GLRA1: variants seen among roughly 807,000 people sequenced by gnomAD.
GLRA1 encodes glycine receptor alpha 1.
A neutral mutation model predicts 48.3 loss-of-function variants in GLRA1; 37 were observed. The observed-to-expected ratio is 0.77, with a 90% CI of 0.59 to 1.01. GLRA1 has a LOEUF of 1.01. Ranked by LOEUF, GLRA1 falls within the 50% of genes least tolerant of loss-of-function variation. The pLI, the probability that GLRA1 is intolerant of heterozygous loss-of-function variation, is 0.00. For synonymous variants in GLRA1, 196 were observed against 210.7 expected, an observed-to-expected ratio of 0.93 and a Z score of 0.60; for missense variants, 427 against 571.0, an observed-to-expected ratio of 0.75 and a Z score of 2.57.
At chr5:151,923,712 G>C (rs1754934185) in intron 1 of GLRA1, among the ~76,000 whole-genome samples, 2 of 152,168 alleles carry the variant, frequency 1.3e-5, no homozygotes, top group African/African-American at 4.8e-5. Flanking sequence ...TAACTCAGCT[G>C]TTGAGTCAAA....
intron 1 of GLRA1, among the ~76,000 whole-genome samples, chr5:151,907,558 A>G (rs1169460727): frequency 1.3e-5 from 2 of 152,252 alleles, no homozygotes; most frequent in Middle Eastern, 3.2e-3. Context: ...CAGCTAATAA[A>G]TCATGTCACC....
In GLRA1 at chr5:151,871,316, A is replaced by G. The variant is rs111839120; in HGVS notation, c.253-11308T>C. Among the ~76,000 whole-genome samples, 12 of 149,660 alleles carry G rather than the reference A, an allele frequency of 8.0e-5. 3 individuals are homozygous for G. The highest frequency in any genetic ancestry group is 3.1e-4 in the African/African-American group (12 of 39,054). ...TGTAGAGAGACAAAAGTGTAATGGA[A>G]AAAGGAACAACAACAAAAGATCTCA... On this transcript the variant is annotated intron_variant, in intron 3 of 8. Transcript: ENST00000274576.
At chr5:151,901,880 A>T (rs193020976) in intron 1 of GLRA1, among the ~76,000 whole-genome samples, 1 of 152,314 alleles carries the variant, frequency 6.6e-6, no homozygotes, top group Admixed American at 6.5e-5. Flanking sequence ...TTTCATTTTC[A>T]GAAAATTTAC....
chr5:151,843,698 C>T (rs186612986), intron 7 of GLRA1, among the ~76,000 whole-genome samples: 206 of 152,278 alleles, frequency 1.4e-3, no homozygotes, highest in African/African-American at 4.6e-3. Context: ...GTAATCAAAA[C>T]GGTGTGGTAC....
intron 1 of GLRA1, among the ~76,000 whole-genome samples, chr5:151,912,045 AAGTT>A (rs1754626508): frequency 6.6e-6 from 1 of 152,232 alleles, no homozygotes; most frequent in Non-Finnish European, 1.5e-5. Flanking sequence ...ACTAGTTACA[AAGTT>A]AGAGCAGAAT....
intron 3 of GLRA1, among the ~76,000 whole-genome samples, chr5:151,862,679 A>G (rs867074343): frequency 6.6e-6 from 1 of 152,352 alleles, no homozygotes; most frequent in South Asian, 2.1e-4. Flanking sequence ...TTATTGCAGG[A>G]CTTCTCAGAG....
intron 1 of GLRA1, among the ~76,000 whole-genome samples, chr5:151,900,033 G>T (rs761535117): frequency 1.1e-4 from 16 of 152,142 alleles, no homozygotes; most frequent in Non-Finnish European, 1.9e-4. Context: ...AAGGAAGTCT[G>T]GTCCTCTAGG....
chr5:151,836,734 G>T (rs187384752), intron 7 of GLRA1, among the ~76,000 whole-genome samples: 182 of 152,330 alleles, frequency 1.2e-3, no homozygotes, highest in Admixed American at 4.6e-3. Flanking sequence ...TGGGAAAACT[G>T]TCTAGCCTTA....
chr5:151,864,770 G>C (rs1340900553), intron 3 of GLRA1, among the ~76,000 whole-genome samples: 1 of 152,046 alleles, frequency 6.6e-6, no homozygotes, highest in Non-Finnish European at 1.5e-5. Context: ...GCTTGATTGG[G>C]AGCAATCTTA....
At chr5:151,891,884 C>T (rs762960471) in intron 2 of GLRA1, among the ~76,000 whole-genome samples, 19 of 151,944 alleles carry the variant, frequency 1.3e-4, no homozygotes, top group Non-Finnish European at 2.2e-4. Context: ...CTCCGTGAAG[C>T]GTATGTTTAA....
In GLRA1 at chr5:151,822,614, A is replaced by G. The variant is rs780429919; in HGVS notation, c.*59T>C. 17 of 1,189,122 alleles carry G rather than the reference A, an allele frequency of 1.4e-5. No homozygotes were observed. Among genetic ancestry groups the G allele is most frequent in the Non-Finnish European group, 2.1e-5 (17 of 793,754 alleles). The allele number at this position is 1,189,122 out of a possible 1,614,324, so 73.7% of individuals were successfully genotyped here. On this transcript the variant is annotated 3_prime_UTR_variant, in exon 9 of 9. Coordinates refer to ENST00000274576, the MANE Select transcript of GLRA1 (RefSeq NM_000171.4). ...TTCCCCTTCTCTTCCTTAGTCTCTC[A>G]GATTCCTGTGCTATTCCCACGTTCC...
chr5:151,857,020 G>A (rs772269351), intron 4 of GLRA1, among the ~76,000 whole-genome samples: 1 of 152,222 alleles, frequency 6.6e-6, no homozygotes, highest in Non-Finnish European at 1.5e-5. Flanking sequence ...GTGCAGATGA[G>A]CTGGGGGCCC....
At chr5:151,924,229 A>G (rs569971191) in intron 1 of GLRA1, among the ~76,000 whole-genome samples, 3 of 151,776 alleles carry the variant, frequency 2.0e-5, no homozygotes, top group Non-Finnish European at 4.4e-5. Context: ...AGAAGGACAA[A>G]CAAACCGTAA....
intron 3 of GLRA1, among the ~76,000 whole-genome samples, chr5:151,883,893 C>A (rs190809814): frequency 6.6e-6 from 1 of 151,966 alleles, no homozygotes; most frequent in East Asian, 1.9e-4. Context: ...CAAAATGCAG[C>A]AGAAGTGAAG....
rs1561554796 is a variant in GLRA1, at chr5:151,849,251, C to CCTTCCCTTCT, written c.912+2138_912+2139insAGAAGGGAAG. ...CTTCCTTCCTTCCTTCCTTCCTTCC[C>CCTTCCCTTCT]TTCTTTCTTTCTCTCTCTCTCTCTT... On this transcript the variant is annotated intron_variant, in intron 7 of 8. Coordinates refer to ENST00000274576, the MANE Select transcript of GLRA1 (RefSeq NM_000171.4). Among the ~76,000 whole-genome samples the CCTTCCCTTCT allele has an allele frequency of 3.8e-3, 211 of 54,996 alleles. 12 individuals carry two copies. Among genetic ancestry groups the CCTTCCCTTCT allele is most frequent in the African/African-American group, 0.014 (191 of 13,550 alleles). The allele number at this position is 54,996 out of a possible 152,430, so 36.1% of individuals were successfully genotyped here.
At chr5:151,828,658 T>TAATC (rs1224697691) in intron 8 of GLRA1, among the ~76,000 whole-genome samples, 1 of 152,226 alleles carries the variant, frequency 6.6e-6, no homozygotes, top group Non-Finnish European at 1.5e-5. Context: ...AGCTTTTAGT[T>TAATC]AATCAGTTGC....
intron 7 of GLRA1, among the ~76,000 whole-genome samples, chr5:151,830,917 G>A (rs879540209): frequency 5.9e-5 from 9 of 152,332 alleles, no homozygotes; most frequent in Non-Finnish European, 1.2e-4. Context: ...TGCAGAAGGC[G>A]AGTGATTTCT....
chr5:151,833,542 A>T (rs567347866), intron 7 of GLRA1, among the ~76,000 whole-genome samples: 44 of 152,164 alleles, frequency 2.9e-4, no homozygotes, highest in African/African-American at 9.9e-4. Context: ...CAGCTCGCCA[A>T]ATCCTCCGCC....
intron 7 of GLRA1, among the ~76,000 whole-genome samples, chr5:151,845,972 T>C (rs2113327181): frequency 6.6e-6 from 1 of 152,322 alleles, no homozygotes; most frequent in African/African-American, 2.4e-5. Context: ...GGCCACATAT[T>C]GTATGATTCC....
Sources: gnomAD v4.1 joint callset for allele counts (sites outside exome capture counted in the v4.1 genomes callset) on GRCh38, gnomAD v4.1.1 for gene constraint, MANE v1.5 for transcripts, NCBI Gene and HGNC (gene_info 2026-07-23, HGNC 2026-07-21) for gene names.